The following HMGCLL1 variants were observed in gnomAD, a reference collection of about 807,000 sequenced individuals.
The protein encoded by HMGCLL1 is 3-hydroxy-3-methylglutaryl-CoA lyase like 1.
Under a neutral mutation model 39.1 loss-of-function variants are expected in HMGCLL1, and 36 were observed. That is an observed-to-expected ratio of 0.92 (90% confidence interval 0.71 to 1.22). The LOEUF (loss-of-function observed/expected upper bound fraction) is 1.22, where lower values mean the gene tolerates loss of function less well. HMGCLL1 is among the 50% of genes most tolerant of loss of function. The probability of loss-of-function intolerance (pLI) is 0.00; values close to 1 mark genes in which losing one functional copy is unlikely to be tolerated. For missense variants in HMGCLL1, 451 were observed against 416.5 expected (o/e 1.08, Z -0.72); for synonymous variants, 149 against 144.0 (o/e 1.03, Z -0.25).
At chr6:55,451,487 G>T (rs1345340584) in intron 7 of HMGCLL1, among the ~76,000 whole-genome samples, 1 of 152,092 alleles carries the variant, frequency 6.6e-6, no homozygotes, top group African/African-American at 2.4e-5. Flanking sequence ...GCCGGGCACG[G>T]TGGTGTATGC....
intron 3 of HMGCLL1, among the ~76,000 whole-genome samples, chr6:55,517,073 C>A (rs1186526390): frequency 6.6e-6 from 1 of 151,980 alleles, no homozygotes; most frequent in East Asian, 1.9e-4. Context: ...TTTAACAAGG[C>A]TGAGATCCCA....
At chr6:55,534,818 G>A (rs1373490184) in intron 3 of HMGCLL1, among the ~76,000 whole-genome samples, 6 of 152,254 alleles carry the variant, frequency 3.9e-5, no homozygotes, top group East Asian at 3.9e-4. Context: ...GCGGGTAATC[G>A]AAGAACCAAC....
At chr6:55,557,434 C>G (rs914984074) in intron 1 of HMGCLL1, among the ~76,000 whole-genome samples, 2 of 152,114 alleles carry the variant, frequency 1.3e-5, no homozygotes, top group South Asian at 2.1e-4. Flanking sequence ...TCAGCCATAT[C>G]TAGTTTGCTT....
chr6:55,579,228 C>A (rs562308920), upstream of HMGCLL1: 2,191 of 606,088 alleles, frequency 3.6e-3, 5 homozygotes, highest in South Asian at 8.0e-3. Context: ...GGGAGTGGGG[C>A]GTGGCAGGTG....
the HMGCLL1 span, among the ~76,000 whole-genome samples, chr6:55,588,957 A>G: frequency 6.7e-6 from 1 of 150,364 alleles, no homozygotes; most frequent in African/African-American, 2.5e-5. Flanking sequence ...ATGGATTCAC[A>G]GCCGAATTCT....
the HMGCLL1 span, among the ~76,000 whole-genome samples, chr6:55,668,701 G>C: frequency 6.6e-6 from 1 of 151,878 alleles, no homozygotes; most frequent in Non-Finnish European, 1.5e-5. Context: ...GTGTTAAAGA[G>C]CGAGCTTTAA....
chr6:55,652,922 A>G, the HMGCLL1 span, among the ~76,000 whole-genome samples: 1 of 152,170 alleles, frequency 6.6e-6, no homozygotes, highest in South Asian at 2.1e-4. Context: ...TCTGTATGCA[A>G]ATGTGTTGTT....
chr6:55,663,152 T>C, the HMGCLL1 span, among the ~76,000 whole-genome samples: 1 of 151,832 alleles, frequency 6.6e-6, no homozygotes, highest in East Asian at 1.9e-4. Context: ...TTAATCATTT[T>C]AATGATTTTT....
At chr6:55,575,151 T>C (rs1771700982) in intron 1 of HMGCLL1, among the ~76,000 whole-genome samples, 1 of 152,032 alleles carries the variant, frequency 6.6e-6, no homozygotes, top group Non-Finnish European at 1.5e-5. Flanking sequence ...ATACTCTTTT[T>C]AACAGAGACA....
At chr6:55,600,389 A>G in the HMGCLL1 span, among the ~76,000 whole-genome samples, 1 of 152,174 alleles carries the variant, frequency 6.6e-6, no homozygotes, top group Non-Finnish European at 1.5e-5. Flanking sequence ...AGCAGGCAAC[A>G]TCACTTACCA....
intron 7 of HMGCLL1, among the ~76,000 whole-genome samples, chr6:55,445,050 T>A (rs187636197): frequency 1.4e-4 from 22 of 152,122 alleles, no homozygotes; most frequent in Admixed American, 1.4e-3. Flanking sequence ...ATTTAAAGTT[T>A]AAGCAATTTT....
At chr6:55,519,227 G>C (rs1241758903) in intron 3 of HMGCLL1, among the ~76,000 whole-genome samples, 1 of 152,072 alleles carries the variant, frequency 6.6e-6, no homozygotes, top group East Asian at 1.9e-4. Flanking sequence ...TAATTTAGGG[G>C]AGGTGCAAAG....
chr6:55,507,924 AC>A (rs1767253138), intron 5 of HMGCLL1, among the ~76,000 whole-genome samples: 1 of 151,614 alleles, frequency 6.6e-6, no homozygotes, highest in African/African-American at 2.4e-5. Context: ...TTTAATTGCC[AC>A]CTTTTTTTTT....
the HMGCLL1 span, among the ~76,000 whole-genome samples, chr6:55,636,533 G>T: frequency 1.3e-5 from 2 of 152,038 alleles, no homozygotes; most frequent in African/African-American, 4.8e-5. Context: ...AAATTCAATT[G>T]CTGGTAAGCT....
chr6:55,544,382 C>T (rs181093649), intron 1 of HMGCLL1, among the ~76,000 whole-genome samples: 33 of 152,266 alleles, frequency 2.2e-4, no homozygotes, highest in Admixed American at 2.0e-3. Flanking sequence ...ACTGTACCAA[C>T]ATAATCTCTT....
At chr6:55,525,802 T>C (rs925995536) in intron 3 of HMGCLL1, among the ~76,000 whole-genome samples, 30 of 152,018 alleles carry the variant, frequency 2.0e-4, no homozygotes, top group African/African-American at 7.0e-4. Context: ...ATGCATGGTT[T>C]AGAAAAGTCT....
At chr6:55,590,154 A>G in the HMGCLL1 span, among the ~76,000 whole-genome samples, 2 of 152,144 alleles carry the variant, frequency 1.3e-5, no homozygotes, top group African/African-American at 2.4e-5. Flanking sequence ...TTCAAACTAT[A>G]CTACAAGGCT....
At position 55,553,463 on chromosome 6, in the gene HMGCLL1, T is replaced by A. The variant is rs538590704; in HGVS notation, c.109-11323A>T. The stretch of plus-strand genomic sequence containing the variant: ...CAAAGAAAAAAAAATGATGGTATAG[T>A]AGGGCATCCAGACTGGTGATGAAAA... On this transcript the variant is annotated intron_variant, in intron 1 of 8. Coordinates refer to ENST00000274901, the MANE Select transcript of HMGCLL1 (RefSeq NM_001042406.2). Among the ~76,000 whole-genome samples, 2 of 151,952 alleles carry A rather than the reference T, an allele frequency of 1.3e-5. 1 individual carries two copies. Among genetic ancestry groups the A allele is most frequent in the African/African-American group, 4.8e-5 (2 of 41,482 alleles).
intron 1 of HMGCLL1, among the ~76,000 whole-genome samples, chr6:55,550,162 T>A (rs936492832): frequency 6.6e-6 from 1 of 151,906 alleles, no homozygotes; most frequent in Non-Finnish European, 1.5e-5. Context: ...TTGAGAAAAA[T>A]GTTACCATAT....
Sources: gnomAD v4.1 joint callset for allele counts (sites outside exome capture counted in the v4.1 genomes callset) on GRCh38, gnomAD v4.1.1 for gene constraint, MANE v1.5 for transcripts, NCBI Gene and HGNC (gene_info 2026-07-23, HGNC 2026-07-21) for gene names.